The following KCNQ2 variants were observed in gnomAD, a reference collection of about 807,000 sequenced individuals.
KCNQ2 encodes the protein potassium voltage-gated channel subfamily Q member 2.
In KCNQ2, 14 loss-of-function variants were observed where a neutral mutation model predicts 84.8. The observed-to-expected ratio is 0.17, with a 90% CI of 0.11 to 0.26. KCNQ2 has a LOEUF of 0.26. Among genes scored for constraint, KCNQ2 ranks in the 10% least tolerant of loss-of-function variants. KCNQ2 has a pLI of 1.00. For missense variants in KCNQ2, 788 were observed against 1,254.0 expected (o/e 0.63, Z 5.61); for synonymous variants, 599 against 554.1 (o/e 1.08, Z -1.14).
chr20:63,460,768 G>A lies in KCNQ2; in HGVS notation c.296+11400C>T, dbSNP rs765625335. On this transcript the variant is annotated intron_variant, in intron 1 of 16. Transcript: ENST00000359125. The surrounding 1 kb of genome is among the most constrained non-coding windows in gnomAD (Gnocchi z 5.4). ...CAGGACAGCCCTGGATGGGACACATGTGGATTCCCCAAGCCTCATGTGGAC... is the reference window on the plus strand; with the variant it reads ...CAGGACAGCCCTGGATGGGACACATATGGATTCCCCAAGCCTCATGTGGAC... 6.6e-6 allele frequency among the ~76,000 whole-genome samples: 1 copy of A among 152,220 alleles called. No homozygotes were observed. The highest frequency in any genetic ancestry group is 1.5e-5 in the Non-Finnish European group (1 of 68,042).
chr20:63,431,977 C>CAGGGAAGGCCCCAT (rs2080806237), intron 8 of KCNQ2, among the ~76,000 whole-genome samples: 1 of 146,796 alleles, frequency 6.8e-6, no homozygotes. Context: ...GAAGGCCCCA[C>CAGGGAAGGCCCCAT]CCGCAGGGAA....
chr20:63,439,304 G>A (rs1299431452), intron 6 of KCNQ2, among the ~76,000 whole-genome samples: 1 of 152,196 alleles, frequency 6.6e-6, no homozygotes, highest in Non-Finnish European at 1.5e-5. Context: ...AGGACCTCCT[G>A]CTCAGCCCCA....
At chr20:63,448,754 C>T (rs900856837) in intron 1 of KCNQ2, among the ~76,000 whole-genome samples, 1 of 152,222 alleles carries the variant, frequency 6.6e-6, no homozygotes, top group Non-Finnish European at 1.5e-5. Flanking sequence ...GCACGGGCAT[C>T]CTGGGGGAAG....
rs562079496 is a variant in KCNQ2, at chr20:63,408,918, C to T, written c.1764-382G>A. Reference sequence around the variant, plus strand: ...CAAGGCCTATTGGCCCCACAGCCCACGGAGGGTCTCCCACTGCAGGGCCTG... The same window carrying T: ...CAAGGCCTATTGGCCCCACAGCCCATGGAGGGTCTCCCACTGCAGGGCCTG... On this transcript the variant is annotated intron_variant, in intron 15 of 16. Transcript: ENST00000359125. This position sits in a 1 kb window ranked among gnomAD's most constrained non-coding sequence, Gnocchi z 5.0. Among the ~76,000 whole-genome samples the T allele has an allele frequency of 2.0e-5, 3 of 152,374 alleles. No individual in the cohort carries two copies. In the East Asian group the frequency reaches 5.8e-4, roughly 29 times the overall value.
In KCNQ2 at chr20:63,425,080, G is replaced by A. The variant is rs990021158; in HGVS notation, c.1218-874C>T. Among the ~76,000 whole-genome samples the A allele has an allele frequency of 8.6e-5, 13 of 151,560 alleles. No individual in the cohort carries two copies. Among genetic ancestry groups the A allele is most frequent in the South Asian group, 6.3e-4 (3 of 4,778 alleles). ...GCTGCACCGCCCCGTCTCTGCCTCC[G>A]TCTCTACACGACATTCTCTGTGTCT... On this transcript the variant is annotated intron_variant, in intron 10 of 16. Transcript: ENST00000359125. This position sits in a 1 kb window ranked among gnomAD's most constrained non-coding sequence, Gnocchi z 5.5.
In KCNQ2 at chr20:63,406,306, A is replaced by C; in HGVS notation, c.*338T>G. ...CTGAGACAACCCCCCGCCTGTTGCC[A>C]CGCTGGCAACACCCCGTCATCACTC... is the stretch of plus-strand genomic sequence containing the variant. On this transcript the variant is annotated 3_prime_UTR_variant, in exon 17 of 17. Transcript: ENST00000359125. 3.5e-6 allele frequency: 1 copy of C among 287,694 alleles called. No homozygotes were observed. Among genetic ancestry groups the C allele is most frequent in the Non-Finnish European group, 6.6e-6 (1 of 151,844 alleles). 17.8% of individuals were successfully genotyped at this position (287,694 alleles called of 1,614,324 possible).
At chr20:63,442,263 C>T in intron 5 of KCNQ2, 143 bp downstream of exon 5, 1 of 1,240,940 alleles carries the variant, frequency 8.1e-7, no homozygotes. Flanking sequence ...CCGCCTCGAC[C>T]ACAAGCCATC....
intron 15 of KCNQ2, 33 bp downstream of exon 15, chr20:63,413,417 G>A (rs1692727636): frequency 5.0e-6 from 8 of 1,612,188 alleles, no homozygotes; most frequent in Admixed American, 3.3e-5. Flanking sequence ...CCCCGTTCTT[G>A]TCCCCTGCTG....
intron 1 of KCNQ2, among the ~76,000 whole-genome samples, chr20:63,465,150 T>A (rs781679163): frequency 6.6e-6 from 1 of 152,174 alleles, no homozygotes. Context: ...AGCACTCCCA[T>A]CAGGGGCCAC....
Position 63,408,118 on chromosome 20 carries a change from C to T in KCNQ2, c.1887+295G>A, listed in dbSNP as rs886421941. 97 of 434,284 alleles carry T rather than the reference C, an allele frequency of 2.2e-4. 1 individual carries two copies. Among genetic ancestry groups the T allele is most frequent in the Non-Finnish European group, 1.7e-4 (39 of 232,652 alleles). The allele number at this position is 434,284 out of a possible 1,614,324, so 26.9% of individuals were successfully genotyped here. On this transcript the variant is annotated intron_variant, in intron 16 of 16. Transcript: ENST00000359125. This position sits in a 1 kb window ranked among gnomAD's most constrained non-coding sequence, Gnocchi z 5.0. ...GGCCAGGCAGGTACAACTTCCGGCA[C>T]GTTCCACAAGGAACCCCTGAGGGAT...
intron 1 of KCNQ2, among the ~76,000 whole-genome samples, chr20:63,471,427 A>T (rs1404998705): frequency 6.6e-6 from 1 of 152,168 alleles, no homozygotes; most frequent in Non-Finnish European, 1.5e-5. Context: ...TTCCAGGCCC[A>T]GGGCTGGGGG....
chr20:63,450,299 C>T (rs940775954), intron 1 of KCNQ2, among the ~76,000 whole-genome samples: 39 of 151,252 alleles, frequency 2.6e-4, no homozygotes, highest in Non-Finnish European at 1.8e-4. Context: ...CGGACGAGGG[C>T]GGCCGCAGAG....
In KCNQ2 at chr20:63,442,484, G is replaced by A. The variant is rs2145736209; in HGVS notation, c.738C>T (p.Ala246=). 3.1e-6 allele frequency: 5 copies of A among 1,613,714 alleles called. No homozygotes were observed. Among genetic ancestry groups the A allele is most frequent in the Non-Finnish European group, 4.2e-6 (5 of 1,179,920 alleles). Residue 246 remains alanine (A), a synonymous_variant, in exon 5 of 17, where the codon GCC becomes GCT. Coordinates refer to ENST00000359125, the MANE Select transcript of KCNQ2 (RefSeq NM_172107.4). ...TCTCTGCCAAGTACACCAGGAACGAGGCCAGGATGAGACAAAGGAAGCCGA... is the reference window on the plus strand; with the variant it reads ...TCTCTGCCAAGTACACCAGGAACGAAGCCAGGATGAGACAAAGGAAGCCGA... ...WYIGFLCLIL[A]SFLVYLAEKG...
At chr20:63,453,060 T>A (rs936956178) in intron 1 of KCNQ2, among the ~76,000 whole-genome samples, 1 of 146,886 alleles carries the variant, frequency 6.8e-6, no homozygotes, top group South Asian at 2.2e-4. Flanking sequence ...GCTGCACCCC[T>A]CCCCGCCACC....
intron 5 of KCNQ2, among the ~76,000 whole-genome samples, chr20:63,441,960 G>A (rs532224314): frequency 2.0e-5 from 3 of 152,286 alleles, no homozygotes; most frequent in Admixed American, 6.5e-5. Context: ...GTGGCCCCAG[G>A]TGAGGAGGAG....
intron 1 of KCNQ2, among the ~76,000 whole-genome samples, chr20:63,463,350 G>A (rs1051674063): frequency 2.2e-4 from 34 of 152,100 alleles, no homozygotes; most frequent in African/African-American, 7.2e-4. Context: ...CTCCTGCTCC[G>A]TCCTGGGGTG....
chr20:63,472,537 C>A lies in KCNQ2; in HGVS notation c.-74G>T. 8.2e-7 allele frequency: 1 copy of A among 1,221,392 alleles called. No individual in the cohort carries two copies. Among genetic ancestry groups the A allele is most frequent in the South Asian group, 3.3e-5 (1 of 30,476 alleles). The allele number at this position is 1,221,392 out of a possible 1,614,324, so 75.7% of individuals were successfully genotyped here. ...GGAGCGCGGGGGGCGGCGCGGGCCC[C>A]AGCCCAGGCCCCCCGGCCGGGAGCC... is the stretch of plus-strand genomic sequence containing the variant. On this transcript the variant is annotated 5_prime_UTR_variant, in exon 1 of 17. Coordinates refer to ENST00000359125, the MANE Select transcript of KCNQ2 (RefSeq NM_172107.4).
intron 1 of KCNQ2, among the ~76,000 whole-genome samples, chr20:63,457,236 G>A (rs1018691758): frequency 6.6e-6 from 1 of 152,246 alleles, no homozygotes. Context: ...GCGTGGAGCC[G>A]CCTCATGCTG....
At chr20:63,454,023 C>G (rs1159487343) in intron 1 of KCNQ2, among the ~76,000 whole-genome samples, 1 of 152,226 alleles carries the variant, frequency 6.6e-6, no homozygotes, top group African/African-American at 2.4e-5. Flanking sequence ...CAGCCTGCTT[C>G]CTAAGGTGGC....
Sources: gnomAD v4.1 joint callset for allele counts (sites outside exome capture counted in the v4.1 genomes callset) on GRCh38, gnomAD v4.1.1 for gene constraint, Gnocchi (gnomAD v3.1) non-coding constraint, MANE v1.5 for transcripts, NCBI Gene and HGNC (gene_info 2026-07-23, HGNC 2026-07-21) for gene names.